AGBL1: variants seen among roughly 807,000 people sequenced by gnomAD.
The protein encoded by AGBL1 is cytosolic carboxypeptidase 4.
In AGBL1, 130 loss-of-function variants were observed where a neutral mutation model predicts 118.9. The observed-to-expected ratio is 1.09, with a 90% CI of 0.95 to 1.26. The LOEUF is 1.26. Ranked by LOEUF, AGBL1 falls within the 50% of genes most tolerant of loss-of-function variation. The probability of loss-of-function intolerance (pLI) is 0.00; values close to 1 mark genes in which losing one functional copy is unlikely to be tolerated. For synonymous variants in AGBL1, 555 were observed against 478.9 expected, an observed-to-expected ratio of 1.16 and a Z score of -2.08; for missense variants, 1,584 against 1,298.1, an observed-to-expected ratio of 1.22 and a Z score of -3.38.
intron 6 of AGBL1, among the ~76,000 whole-genome samples, chr15:86,230,642 T>C (rs988888074): frequency 3.3e-5 from 5 of 152,238 alleles, no homozygotes; most frequent in Non-Finnish European, 7.3e-5. Context: ...GGAGTCAGAC[T>C]ACGAGAACTG....
In AGBL1 at chr15:86,114,308, C is replaced by G. The variant is rs931904774; in HGVS notation, c.52-27696C>G. Among the ~76,000 whole-genome samples the G allele has an allele frequency of 4.6e-5, 7 of 151,910 alleles. No homozygotes were observed. In the East Asian group the frequency reaches 1.3e-3, roughly 29 times the overall value. On this transcript the variant is annotated intron_variant, in intron 1 of 22. Coordinates refer to ENST00000614907, the MANE Select transcript of AGBL1 (RefSeq NM_001386094.1). ...CCCTTGGGGGAGGTGAGTCTGCACT[C>G]TGCCTTGGCAAGGAGTCCAGAAGGA...
At chr15:86,880,600 G>A (rs2079877003) in intron 22 of AGBL1, among the ~76,000 whole-genome samples, 1 of 152,144 alleles carries the variant, frequency 6.6e-6, no homozygotes, top group South Asian at 2.1e-4. Flanking sequence ...GTGACTATGT[G>A]TGCATATACA....
rs979546665 is a variant in AGBL1 at position 86,896,413 on chromosome 15, C to A, written c.3159-10674C>A. Among the ~76,000 whole-genome samples, 5 of 151,426 alleles carry A rather than the reference C, an allele frequency of 3.3e-5. No individual in the cohort carries two copies. In the East Asian group the frequency reaches 5.8e-4, roughly 18 times the overall value. ...CCCTGGGTTTAAAAAAAAAAAAATA[C>A]CTGCATGGTAATTTTGTATTTGTTT... is the stretch of plus-strand genomic sequence containing the variant. On this transcript the variant is annotated intron_variant, in intron 22 of 22. Transcript: ENST00000614907.
rs1816515058 is a variant in AGBL1 at position 86,294,665 on chromosome 15, G to A, written c.2221-590G>A. Among the ~76,000 whole-genome samples, 3 of 151,800 alleles carry A rather than the reference G, an allele frequency of 2.0e-5. 1 individual carries two copies. The South Asian group carries it at 6.3e-4, about 32-fold the overall frequency. On this transcript the variant is annotated intron_variant, in intron 16 of 22. Transcript: ENST00000614907. ...TCTGTCTCATTTTCCCCAGTGTTCT[G>A]GGCATGTTCTATTTTCATGATAACC...
rs578035607 is a variant in AGBL1 at position 86,147,618 on chromosome 15, G to T, written c.262+3773G>T. 7.6e-4 allele frequency among the ~76,000 whole-genome samples: 116 copies of T among 152,294 alleles called. 1 individual carries two copies. The highest frequency in any genetic ancestry group is 2.5e-3 in the African/African-American group (103 of 41,566). ...AACAAAGCCGGGAAGCTCCAACTGGGTAGAGCCCACCATAGCTCTTCAAGG... is the reference window on the plus strand; with the variant it reads ...AACAAAGCCGGGAAGCTCCAACTGGTTAGAGCCCACCATAGCTCTTCAAGG... On this transcript the variant is annotated intron_variant, in intron 3 of 22. Transcript: ENST00000614907.
intron 1 of AGBL1, among the ~76,000 whole-genome samples, chr15:86,109,157 A>G (rs1217272038): frequency 6.6e-6 from 1 of 152,236 alleles, no homozygotes; most frequent in East Asian, 1.9e-4. Flanking sequence ...TACTCATTAA[A>G]TATTACTATT....
chr15:86,513,210 T>C (rs1334421343), intron 18 of AGBL1, among the ~76,000 whole-genome samples: 2 of 152,008 alleles, frequency 1.3e-5, no homozygotes, highest in Non-Finnish European at 2.9e-5. Flanking sequence ...TTGTGTCTTC[T>C]CAATCTCCTC....
At chr15:86,338,166 C>T (rs1225721430) in intron 17 of AGBL1, among the ~76,000 whole-genome samples, 1 of 152,134 alleles carries the variant, frequency 6.6e-6, no homozygotes, top group Non-Finnish European at 1.5e-5. Context: ...GTCAGGAAGT[C>T]TCTGTGAAAG....
At position 86,465,165 on chromosome 15, in the gene AGBL1, T is replaced by C. The variant is rs541627500; in HGVS notation, c.2556-57645T>C. 4.6e-5 allele frequency among the ~76,000 whole-genome samples: 7 copies of C among 152,310 alleles called. No individual in the cohort carries two copies. In the South Asian group the frequency reaches 1.5e-3, roughly 32 times the overall value. On this transcript the variant is annotated intron_variant, in intron 18 of 22. Transcript: ENST00000614907. ...GACATTTGTTAGTTCCCCAAATTAA[T>C]ACTTTTATAATTTCTTATGCCTGTC...
intron 5 of AGBL1, among the ~76,000 whole-genome samples, chr15:86,199,310 CATATT>C (rs1296742329): frequency 3.9e-5 from 6 of 152,162 alleles, no homozygotes; most frequent in African/African-American, 7.2e-5. Flanking sequence ...TGAAACATCT[CATATT>C]ATATATATAT....
chr15:86,252,671 G>C (rs1012720313), intron 7 of AGBL1, among the ~76,000 whole-genome samples: 7 of 152,148 alleles, frequency 4.6e-5, no homozygotes, highest in African/African-American at 1.4e-4. Context: ...GGCTAGGAGA[G>C]CGTTTTGAAA....
chr15:86,203,217 C>T (rs1483490011), intron 5 of AGBL1, among the ~76,000 whole-genome samples: 1 of 152,106 alleles, frequency 6.6e-6, no homozygotes, highest in Non-Finnish European at 1.5e-5. Flanking sequence ...TCAGGAAATG[C>T]TTCATGGTAC....
intron 22 of AGBL1, among the ~76,000 whole-genome samples, chr15:86,887,596 T>C (rs1018657616): frequency 3.9e-5 from 6 of 152,218 alleles, no homozygotes; most frequent in African/African-American, 1.4e-4. Context: ...ACCATTTGAA[T>C]AAAAGCTACA....
In AGBL1 at chr15:86,730,825, T is replaced by A. The variant is rs148707658; in HGVS notation, c.3158+56389T>A. 8.3e-3 allele frequency among the ~76,000 whole-genome samples: 1,265 copies of A among 152,068 alleles called. 9 individuals are homozygous for A. Among genetic ancestry groups the A allele is most frequent in the Non-Finnish European group, 0.012 (829 of 67,986 alleles). On this transcript the variant is annotated intron_variant, in intron 22 of 22. Coordinates refer to ENST00000614907, the MANE Select transcript of AGBL1 (RefSeq NM_001386094.1). ...TCAGATTTGTACCTATTTTATTTTA[T>A]TTTATTTATTTATTTATTTTGAGAT...
At position 86,854,019 on chromosome 15, in the gene AGBL1, C is replaced by T. The variant is rs143019457; in HGVS notation, c.3159-53068C>T. ...GGACAGCAATTTTTTTTTAAATATG[C>T]AGAAAGTCATTTTGCACCTTCCAAG... is the stretch of plus-strand genomic sequence containing the variant. On this transcript the variant is annotated intron_variant, in intron 22 of 22. Transcript: ENST00000614907. Among the ~76,000 whole-genome samples, 1,166 of 152,184 alleles carry T rather than the reference C, an allele frequency of 7.7e-3. 8 individuals are homozygous for T. The highest frequency in any genetic ancestry group is 0.018 in the African/African-American group (744 of 41,522).
At chr15:87,031,034 A>T (rs751122760), downstream of AGBL1, among the ~76,000 whole-genome samples, 35 of 151,950 alleles carry the variant, frequency 2.3e-4, no homozygotes, top group Non-Finnish European at 4.3e-4. Flanking sequence ...GCTGTTATTT[A>T]AAAAAAGCAT....
chr15:86,285,209 A>G (rs979881621), intron 16 of AGBL1, among the ~76,000 whole-genome samples: 1 of 152,200 alleles, frequency 6.6e-6, no homozygotes, highest in African/African-American at 2.4e-5. Flanking sequence ...GACTGAAGTC[A>G]AAATAATCCC....
chr15:86,920,118 C>A (rs2080469554), downstream of AGBL1, among the ~76,000 whole-genome samples: 1 of 152,148 alleles, frequency 6.6e-6, no homozygotes, highest in South Asian at 2.1e-4. Flanking sequence ...GAAACTGAAA[C>A]CCAAGCGTCA....
At chr15:86,666,181 C>A (rs1273682911) in intron 21 of AGBL1, among the ~76,000 whole-genome samples, 1 of 152,004 alleles carries the variant, frequency 6.6e-6, no homozygotes, top group Non-Finnish European at 1.5e-5. Context: ...GCCTTGCTTT[C>A]CCAGAATTTA....
Sources: allele counts gnomAD v4.1 joint callset (sites outside exome capture counted in the v4.1 genomes callset), GRCh38; gene constraint gnomAD v4.1.1; transcripts MANE v1.5; gene names NCBI Gene and HGNC (gene_info 2026-07-23, HGNC 2026-07-21).